The following ZNF521 variants were observed in gnomAD, a reference collection of about 807,000 sequenced individuals.
ZNF521 encodes LYST-interacting protein 3.
ZNF521 carries 14 observed loss-of-function variants against 105.5 expected under a neutral mutation model. The ratio of observed to expected loss-of-function variants is 0.13; its 90% CI spans 0.09 to 0.21. The LOEUF is 0.21. Among genes scored for constraint, ZNF521 ranks in the 10% least tolerant of loss-of-function variants. The probability of loss-of-function intolerance (pLI) is 1.00; values close to 1 mark genes in which losing one functional copy is unlikely to be tolerated. For missense variants in ZNF521, 1,233 were observed against 1,629.7 expected (o/e 0.76, Z 4.19); for synonymous variants, 635 against 606.0 (o/e 1.05, Z -0.70).
At chr18:25,320,987 C>T (rs1447667145) in intron 3 of ZNF521, among the ~76,000 whole-genome samples, 1 of 152,150 alleles carries the variant, frequency 6.6e-6, no homozygotes, top group African/African-American at 2.4e-5. Flanking sequence ...CACAATAATC[C>T]ATTCAGAAAA....
chr18:25,151,615 GT>G (rs1487846556), intron 5 of ZNF521, among the ~76,000 whole-genome samples: 2 of 151,914 alleles, frequency 1.3e-5, no homozygotes, highest in Non-Finnish European at 2.9e-5. Flanking sequence ...GACTTTTATC[GT>G]TTCTTTCAAC....
rs774175248 is a variant in ZNF521, at chr18:25,225,301, C to A, written c.2617G>T (p.Asp873Tyr). Reference sequence around the variant, plus strand: ...GTGTCAACGTCTTCTTCGCTCCCATCGTGACTGTTGTGGGACTCCTGGCTG... The same window carrying A: ...GTGTCAACGTCTTCTTCGCTCCCATAGTGACTGTTGTGGGACTCCTGGCTG... ...TNSQESHNSH[D>Y]GSEEDVDTSE... The change falls in exon 4 of 8, where the codon GAT becomes TAT. Residue 873 changes from aspartate to tyrosine, a missense_variant. Asp to Tyr is a radical substitution (Grantham distance 160, BLOSUM62 -3). Coordinates refer to ENST00000361524, the MANE Select transcript of ZNF521 (RefSeq NM_015461.3). This position sits in a 1 kb window ranked among gnomAD's most constrained non-coding sequence, Gnocchi z 5.6. The A allele has an allele frequency of 6.2e-7, 1 of 1,614,056 alleles. No individual in the cohort carries two copies. Among genetic ancestry groups the A allele is most frequent in the East Asian group, 2.2e-5 (1 of 44,894 alleles).
chr18:25,213,035 A>G (rs542732060), intron 4 of ZNF521, among the ~76,000 whole-genome samples: 1 of 151,422 alleles, frequency 6.6e-6, no homozygotes, highest in South Asian at 2.1e-4. Context: ...TTTTTCTAAT[A>G]CTCAAATTCA....
chr18:25,338,259 TTGTGTGTGTGTGTGTG>T (rs34813730), intron 2 of ZNF521, among the ~76,000 whole-genome samples: 2 of 136,510 alleles, frequency 1.5e-5, no homozygotes, highest in African/African-American at 5.5e-5. Flanking sequence ...TCATAGACTT[TTGTGTGTGTGTGTGTG>T]TGTGTGTGTG....
chr18:25,284,747 C>T (rs1332761974), intron 3 of ZNF521, among the ~76,000 whole-genome samples: 1 of 152,014 alleles, frequency 6.6e-6, no homozygotes, highest in Admixed American at 6.5e-5. Context: ...TTCCAAGTAA[C>T]TGAGACAGGT....
intron 7 of ZNF521, among the ~76,000 whole-genome samples, chr18:25,070,599 G>T (rs2033194429): frequency 6.6e-6 from 1 of 152,188 alleles, no homozygotes; most frequent in African/African-American, 2.4e-5. Context: ...CCCAACCTCA[G>T]CACTACTGAC....
At position 25,092,826 on chromosome 18, in the gene ZNF521, A is replaced by T. The variant is rs1025718896; in HGVS notation, c.3659-745T>A. Among the ~76,000 whole-genome samples, 5 of 152,344 alleles carry T rather than the reference A, an allele frequency of 3.3e-5. No individual in the cohort carries two copies. The East Asian group carries it at 5.8e-4, about 18-fold the overall frequency. ...AATATTTTGATGTCATAACATTGCT[A>T]TATAAAGTGGAGAGTTTGTGTTATA... On this transcript the variant is annotated intron_variant, in intron 5 of 7. Coordinates refer to ENST00000361524, the MANE Select transcript of ZNF521 (RefSeq NM_015461.3).
chr18:25,206,571 A>G (rs1163261328), intron 4 of ZNF521, among the ~76,000 whole-genome samples: 1 of 151,936 alleles, frequency 6.6e-6, no homozygotes, highest in East Asian at 1.9e-4. Context: ...CTTATACTAG[A>G]TCATTTCATT....
intron 3 of ZNF521, among the ~76,000 whole-genome samples, chr18:25,318,593 A>G (rs1180048666): frequency 6.6e-6 from 1 of 152,200 alleles, no homozygotes; most frequent in African/African-American, 2.4e-5. Context: ...ATGAGTAAAC[A>G]TATTAATAAG....
chr18:25,239,231 T>C (rs1360322877), intron 3 of ZNF521, among the ~76,000 whole-genome samples: 1 of 152,212 alleles, frequency 6.6e-6, no homozygotes. Context: ...AATTAGCTCC[T>C]GCAAGTAACT....
At chr18:25,301,471 T>C (rs912779176) in intron 3 of ZNF521, among the ~76,000 whole-genome samples, 3 of 152,250 alleles carry the variant, frequency 2.0e-5, no homozygotes, top group Admixed American at 2.0e-4. Context: ...TGGCAGCAGC[T>C]AATCATTTTA....
intron 4 of ZNF521, chr18:25,202,287 TAA>T (rs2036005769): frequency 6.6e-6 from 1 of 152,140 alleles, no homozygotes; most frequent in South Asian, 2.1e-4. Context: ...AAATAAAAAA[TAA>T]TACTACAATA....
chr18:25,099,770 A>C (rs2033928856), intron 5 of ZNF521, among the ~76,000 whole-genome samples: 1 of 152,196 alleles, frequency 6.6e-6, no homozygotes, highest in African/African-American at 2.4e-5. Flanking sequence ...CCTTCTATTA[A>C]TGCCCTTACA....
rs541264844 is a variant in ZNF521 at position 25,312,527 on chromosome 18, A to C, written c.220+9481T>G. 4.6e-4 allele frequency among the ~76,000 whole-genome samples: 51 copies of C among 110,840 alleles called. 11 individuals carry two copies. Among genetic ancestry groups the C allele is most frequent in the African/African-American group, 1.7e-3 (50 of 29,948 alleles). The allele number at this position is 110,840 out of a possible 152,430, so 72.7% of individuals were successfully genotyped here. On this transcript the variant is annotated intron_variant, in intron 3 of 7. Coordinates refer to ENST00000361524, the MANE Select transcript of ZNF521 (RefSeq NM_015461.3). ...CTCAGCCTATGGTTCAGAAGTTGGA[A>C]CCAGGCCGGGCGCGGTGGCTCACGC... is the stretch of plus-strand genomic sequence containing the variant.
rs118037033 is a variant in ZNF521, at chr18:25,111,498, G to A, written c.3659-19417C>T. On this transcript the variant is annotated intron_variant, in intron 5 of 7. Transcript: ENST00000361524. ...TAAAAATTCAGTATGAAATATCTGC[G>A]TTGGGTGTTTGCATCATACTAGTCT... Among the ~76,000 whole-genome samples the A allele has an allele frequency of 3.3e-5, 5 of 152,282 alleles. No individual in the cohort carries two copies. The East Asian group carries it at 7.7e-4, about 24-fold the overall frequency.
rs572962519 is a variant in ZNF521 at position 25,335,655 on chromosome 18, C to T, written c.41-13468G>A. 7.9e-5 allele frequency among the ~76,000 whole-genome samples: 12 copies of T among 152,298 alleles called. 1 individual carries two copies. In the East Asian group the frequency reaches 1.3e-3, roughly 17 times the overall value. On this transcript the variant is annotated intron_variant, in intron 2 of 7. Transcript: ENST00000361524. ...CACTCTGATTTTCATTACTAATTCT[C>T]TCACTTCATTTAGCATTAAGGTTGA... is the stretch of plus-strand genomic sequence containing the variant.
chr18:25,089,486 A>C lies in ZNF521; in HGVS notation c.3885T>G (p.Phe1295Leu). The C allele has an allele frequency of 6.2e-7, 1 of 1,614,100 alleles. No homozygotes were observed. Among genetic ancestry groups the C allele is most frequent in the East Asian group, 2.2e-5 (1 of 44,878 alleles). Residue 1295 changes from phenylalanine (F) to leucine (L), a missense_variant, in exon 7 of 8, where the codon TTT becomes TTG. Coordinates refer to ENST00000361524, the MANE Select transcript of ZNF521 (RefSeq NM_015461.3). ...IYDCTQCPQK[F>L]FFQTELQNHT... The stretch of plus-strand genomic sequence containing the variant: ...TTACCTGCAGCTCTGTTTGGAAGAA[A>C]AACTTCTGTGGACATTGTGTACAGT...
Position 25,062,755 on chromosome 18 carries a change from A to G in ZNF521, c.3907-14T>C, listed in dbSNP as rs760223426. 1.6e-6 allele frequency: 1 copy of G among 636,196 alleles called. No homozygotes were observed. The highest frequency in any genetic ancestry group is 1.9e-6 in the Non-Finnish European group (1 of 527,922). 39.4% of individuals were successfully genotyped at this position (636,196 alleles called of 1,614,324 possible). On this transcript the variant is annotated splice_polypyrimidine_tract_variant and intron_variant, in intron 7 of 7. Transcript: ENST00000361524. ...CATTGTATGATTCTGTAAATAACAA[A>G]AAAAAAAAAAAAAAAAAAAAAAAAA...
intron 4 of ZNF521, among the ~76,000 whole-genome samples, chr18:25,214,815 G>C (rs901475298): frequency 6.6e-6 from 1 of 152,082 alleles, no homozygotes; most frequent in African/African-American, 2.4e-5. Context: ...AATATAGTTT[G>C]GCCTGGAGAA....
Sources: allele counts gnomAD v4.1 joint callset (sites outside exome capture counted in the v4.1 genomes callset), GRCh38; gene constraint gnomAD v4.1.1; non-coding constraint Gnocchi (gnomAD v3.1); transcripts MANE v1.5; gene names NCBI Gene and HGNC (gene_info 2026-07-23, HGNC 2026-07-21).